The following LINGO1 variants were observed in gnomAD, a reference collection of about 807,000 sequenced individuals.
LINGO1 encodes the protein leucine-rich repeat and immunoglobulin-like domain-containing nogo receptor-interacting protein 1.
A neutral mutation model predicts 37.3 loss-of-function variants in LINGO1; 11 were observed. The ratio of observed to expected loss-of-function variants is 0.29; its 90% confidence interval spans 0.19 to 0.49. LINGO1 has a LOEUF of 0.49. LINGO1 is among the 20% of genes least tolerant of loss of function. LINGO1 has a pLI of 0.99. For synonymous variants in LINGO1, 387 were observed against 403.0 expected (o/e 0.96, Z 0.48); for missense variants, 585 against 878.2 (o/e 0.67, Z 4.22).
chr15:77,705,443 C>T (rs1028631834), intron 2 of LINGO1, among the ~76,000 whole-genome samples: 2 of 152,152 alleles, frequency 1.3e-5, no homozygotes, highest in African/African-American at 4.8e-5. Context: ...GGCCCCAGGG[C>T]TCCCGTCCTG....
chr15:77,615,920 C>T lies in LINGO1; in HGVS notation c.7-20G>A. On this transcript the variant is annotated intron_variant, in intron 1 of 1. Coordinates refer to ENST00000355300, the MANE Select transcript of LINGO1 (RefSeq NM_032808.7). ...GCTCACCTGCAGCCGGGAGCAAGCA[C>T]AGGACAGAGGTGGCGGTTAGGGGGC... The T allele has an allele frequency of 2.1e-6, 3 of 1,454,532 alleles. No homozygotes were observed. The highest frequency in any genetic ancestry group is 2.7e-6 in the Non-Finnish European group (3 of 1,108,758). 90.1% of individuals were successfully genotyped at this position (1,454,532 alleles called of 1,614,324 possible).
At chr15:77,770,827 G>T (rs1408243046) in intron 1 of LINGO1, among the ~76,000 whole-genome samples, 2 of 152,182 alleles carry the variant, frequency 1.3e-5, no homozygotes, top group Non-Finnish European at 2.9e-5. Context: ...GGCCTGGCAG[G>T]CTGCCATCCA....
rs571099606 is a variant in LINGO1 at position 77,816,885 on chromosome 15, G to C, written c.-458+3373C>G. ...AAGCTAGGCGTCTTGCCATGCTCCA[G>C]CCACCTGGATGTCAACCAGAGCTTT... On this transcript the variant is annotated intron_variant, in intron 1 of 5. Transcript: ENST00000562933. 9.5e-4 allele frequency among the ~76,000 whole-genome samples: 145 copies of C among 152,280 alleles called. 2 individuals carry two copies. The highest frequency in any genetic ancestry group is 3.2e-3 in the African/African-American group (135 of 41,542).
chr15:77,791,917 C>A (rs1158205989), upstream of LINGO1, among the ~76,000 whole-genome samples: 1 of 152,018 alleles, frequency 6.6e-6, no homozygotes, highest in Non-Finnish European at 1.5e-5. Context: ...GAGTAACAGC[C>A]CACCCAGAAG....
intron 3 of LINGO1, among the ~76,000 whole-genome samples, chr15:77,674,824 C>T (rs1385062875): frequency 1.3e-5 from 2 of 151,776 alleles, no homozygotes; most frequent in Non-Finnish European, 2.9e-5. Flanking sequence ...CTGTATTTTT[C>T]CTTGTCTGTC....
chr15:77,634,397 G>A (rs2074353122), upstream of LINGO1: 1 of 453,902 alleles, frequency 2.2e-6, no homozygotes, highest in Non-Finnish European at 4.4e-6. Flanking sequence ...CCTCAACCTA[G>A]GCCTAGCTAG....
intron 1 of LINGO1, among the ~76,000 whole-genome samples, chr15:77,817,496 G>A (rs1177716260): frequency 1.3e-5 from 2 of 152,206 alleles, no homozygotes; most frequent in Non-Finnish European, 2.9e-5. Flanking sequence ...AACTCCCAGA[G>A]CTGTGCAGAG....
At chr15:77,712,440 C>G (rs1234335779) in intron 2 of LINGO1, among the ~76,000 whole-genome samples, 1 of 152,176 alleles carries the variant, frequency 6.6e-6, no homozygotes, top group African/African-American at 2.4e-5. Flanking sequence ...TCATAAAACC[C>G]CAACCTGGAT....
chr15:77,695,072 C>T (rs1206084219), intron 1 of LINGO1, among the ~76,000 whole-genome samples: 1 of 152,200 alleles, frequency 6.6e-6, no homozygotes, highest in Admixed American at 6.5e-5. Context: ...GTGGGAGCAT[C>T]TCACTTTTCA....
intron 1 of LINGO1, among the ~76,000 whole-genome samples, chr15:77,759,142 G>A (rs190719780): frequency 9.6e-4 from 146 of 152,326 alleles, no homozygotes; most frequent in Middle Eastern, 3.4e-3. Context: ...TGTGACCTAC[G>A]CAGATTAAAT....
At chr15:77,695,537 C>T (rs1567528638) in intron 1 of LINGO1, among the ~76,000 whole-genome samples, 1 of 152,246 alleles carries the variant, frequency 6.6e-6, no homozygotes, top group Non-Finnish European at 1.5e-5. Flanking sequence ...CCCAAGGAGC[C>T]CCCAATCATT....
intron 1 of LINGO1, among the ~76,000 whole-genome samples, chr15:77,760,916 CTTTTTTTT>C (rs34524098): frequency 6.2e-5 from 6 of 96,400 alleles, no homozygotes; most frequent in African/African-American, 1.5e-4. Context: ...TAATAAGTAT[CTTTTTTTT>C]TTTTTTTTTT....
intron 1 of LINGO1, among the ~76,000 whole-genome samples, chr15:77,781,297 C>T (rs1257097310): frequency 6.6e-6 from 1 of 152,174 alleles, no homozygotes; most frequent in Non-Finnish European, 1.5e-5. Context: ...CAGGCCGGAG[C>T]CAGCCAGGAA....
In LINGO1 at chr15:77,695,425, C is replaced by G. The variant is rs113646554; in HGVS notation, c.-281+966G>C. On this transcript the variant is annotated intron_variant, in intron 1 of 3. Coordinates refer to the LINGO1 transcript ENST00000559893. ...GGCCAGAAGAAGGCAGCTCTGGAAG[C>G]CACCCTCCTGATCAACGCAAGGCCC... 1.0e-3 allele frequency among the ~76,000 whole-genome samples: 158 copies of G among 152,282 alleles called. 2 individuals are homozygous for G. Among genetic ancestry groups the G allele is most frequent in the African/African-American group, 3.6e-3 (151 of 41,562 alleles).
chr15:77,788,758 G>T (rs1377716825), upstream of LINGO1: 1 of 152,266 alleles, frequency 6.6e-6, no homozygotes, highest in Non-Finnish European at 1.5e-5. Context: ...CTAGTCCCCA[G>T]TTCAGTCCGG....
intron 2 of LINGO1, among the ~76,000 whole-genome samples, chr15:77,716,280 C>CTTT (rs5813879): frequency 0.033 from 3,946 of 119,180 alleles, 306 homozygotes; most frequent in African/African-American, 0.11. Flanking sequence ...TCTTCTTCTT[C>CTTT]TTTTTTTTTT....
chr15:77,686,563 C>A (rs1026775827), intron 2 of LINGO1, among the ~76,000 whole-genome samples: 1 of 152,224 alleles, frequency 6.6e-6, no homozygotes, highest in Non-Finnish European at 1.5e-5. Flanking sequence ...TCATCATCAG[C>A]CCAGTGCCCC....
intron 1 of LINGO1, among the ~76,000 whole-genome samples, chr15:77,740,088 C>T (rs1173913302): frequency 6.6e-6 from 1 of 152,238 alleles, no homozygotes; most frequent in Non-Finnish European, 1.5e-5. Flanking sequence ...AATCAATGGC[C>T]ACACTTGGGT....
chr15:77,618,165 C>T (rs370747747), intron 1 of LINGO1, among the ~76,000 whole-genome samples: 1 of 152,214 alleles, frequency 6.6e-6, no homozygotes, highest in Non-Finnish European at 1.5e-5. Flanking sequence ...GCCAGGCTGG[C>T]GGGTGGGGGG....
Sources: gnomAD v4.1 joint callset for allele counts (sites outside exome capture counted in the v4.1 genomes callset) on GRCh38, gnomAD v4.1.1 for gene constraint, MANE v1.5 for transcripts, NCBI Gene and HGNC (gene_info 2026-07-23, HGNC 2026-07-21) for gene names.